SMARCAL1: variants seen among roughly 807,000 people sequenced by gnomAD.
The protein encoded by SMARCAL1 is SNF2 related chromatin remodeling annealing helicase 1.
Under a neutral mutation model 94.5 loss-of-function variants are expected in SMARCAL1, and 58 were observed. That is an observed-to-expected ratio of 0.61 (90% CI 0.50 to 0.76). SMARCAL1 has a LOEUF of 0.76. SMARCAL1 is among the 30% of genes least tolerant of loss of function. The pLI, the probability that SMARCAL1 is intolerant of heterozygous loss-of-function variation, is 0.00. For missense variants in SMARCAL1, 1,051 were observed against 1,177.9 expected (o/e 0.89, Z 1.58); for synonymous variants, 422 against 455.1 (o/e 0.93, Z 0.93).
chr2:216,436,896 C>G (rs944102033), intron 9 of SMARCAL1, among the ~76,000 whole-genome samples: 1 of 152,200 alleles, frequency 6.6e-6, no homozygotes, highest in Non-Finnish European at 1.5e-5. Context: ...CCCATAGGCA[C>G]AAAGCTAGCA....
intron 7 of SMARCAL1, among the ~76,000 whole-genome samples, chr2:216,431,822 T>C (rs908577992): frequency 6.6e-6 from 1 of 152,182 alleles, no homozygotes; most frequent in Admixed American, 6.5e-5. Context: ...GAGGCTGCCA[T>C]AGTGAAAAAC....
At chr2:216,466,917 A>G (rs1305384617) in intron 13 of SMARCAL1, among the ~76,000 whole-genome samples, 1 of 152,204 alleles carries the variant, frequency 6.6e-6, no homozygotes, top group Non-Finnish European at 1.5e-5. Context: ...AGGGCAGTCC[A>G]CGTACCTTTC....
chr2:216,438,662 A>G (rs891055643), intron 10 of SMARCAL1, among the ~76,000 whole-genome samples, 177 bp downstream of exon 10: 2 of 152,160 alleles, frequency 1.3e-5, no homozygotes, highest in South Asian at 2.1e-4. Context: ...TACCAATTTC[A>G]TCTTTCTTCC....
At chr2:216,454,421 C>T (rs1278135824) in intron 12 of SMARCAL1, among the ~76,000 whole-genome samples, 1 of 152,084 alleles carries the variant, frequency 6.6e-6, no homozygotes, top group East Asian at 1.9e-4. Flanking sequence ...ACGTGTATTG[C>T]GTCATTAAAT....
chr2:216,434,880 C>T (rs573767776), intron 8 of SMARCAL1, among the ~76,000 whole-genome samples: 7 of 146,778 alleles, frequency 4.8e-5, no homozygotes, highest in African/African-American at 1.0e-4. Context: ...TTCTGAGACC[C>T]GAGGTTTCTC....
chr2:216,449,141 A>G (rs1335043291), intron 11 of SMARCAL1, among the ~76,000 whole-genome samples: 1 of 152,242 alleles, frequency 6.6e-6, no homozygotes. Flanking sequence ...GTGTCAGCTC[A>G]GGTCTCTGGT....
rs777273652 is a variant in SMARCAL1, at chr2:216,478,209, G to C, written c.2535G>C (p.Leu845=). 1.9e-6 allele frequency: 3 copies of C among 1,613,954 alleles called. No homozygotes were observed. Among genetic ancestry groups the C allele is most frequent in the African/African-American group, 1.3e-5 (1 of 74,926 alleles). ...KGTADDYLWP[L]IQEKIKVLAE... ...GCTCATTTCTCCCCAACAGGCCCCT[G>C]ATTCAAGAGAAGATTAAAGTTCTGG... The change falls in exon 17 of 18, where the codon CTG becomes CTC. Residue 845 remains leucine (L), a synonymous_variant. Coordinates refer to ENST00000357276, the MANE Select transcript of SMARCAL1 (RefSeq NM_014140.4).
chr2:216,420,177 C>A, intron 4 of SMARCAL1, 122 bp from the exon 5 acceptor site: 1 of 785,786 alleles, frequency 1.3e-6, no homozygotes, highest in Non-Finnish European at 2.2e-6. Flanking sequence ...GCCTTCCTGC[C>A]AAACCTAGTG....
chr2:216,433,808 G>A (rs1478309012), intron 8 of SMARCAL1, among the ~76,000 whole-genome samples: 1 of 151,780 alleles, frequency 6.6e-6, no homozygotes, highest in Non-Finnish European at 1.5e-5. Flanking sequence ...TGCCACTGAC[G>A]TCAGCCTGGG....
Position 216,482,638 on chromosome 2 carries a change from G to T in SMARCAL1, c.2626-100G>T. The T allele has an allele frequency of 1.3e-6, 2 of 1,525,126 alleles. No individual in the cohort carries two copies. Among genetic ancestry groups the T allele is most frequent in the South Asian group, 1.1e-5 (1 of 88,360 alleles). The allele number at this position is 1,525,126 out of a possible 1,614,324, so 94.5% of individuals were successfully genotyped here. A position where few individuals can be genotyped will look rare whatever the true frequency, so the allele number is the denominator to read the frequency against. On this transcript the variant is annotated intron_variant, in intron 17 of 17. Coordinates refer to ENST00000357276, the MANE Select transcript of SMARCAL1 (RefSeq NM_014140.4). The surrounding 1 kb of genome is among the most constrained non-coding windows in gnomAD (Gnocchi z 4.3). ...GCTCCCTGACACCATGAAATGTGTG[G>T]TCTCTCATCTTTATATTCTCTCATC...
chr2:216,436,775 TATA>T (rs1273695751), intron 9 of SMARCAL1, among the ~76,000 whole-genome samples: 2 of 152,216 alleles, frequency 1.3e-5, no homozygotes, highest in Non-Finnish European at 2.9e-5. Flanking sequence ...GGTACTGACA[TATA>T]ATCATCTATT....
chr2:216,420,605 T>G, intron 5 of SMARCAL1, 73 bp downstream of exon 5: 2 of 1,157,030 alleles, frequency 1.7e-6, no homozygotes, highest in Non-Finnish European at 1.3e-6. Context: ...TGTTTTTCTC[T>G]ACCTCGAATA....
At chr2:216,453,453 CA>C (rs756228656) in intron 12 of SMARCAL1, among the ~76,000 whole-genome samples, 3 of 152,156 alleles carry the variant, frequency 2.0e-5, no homozygotes, top group Non-Finnish European at 4.4e-5. Flanking sequence ...TTTGGGCCAT[CA>C]GAACCTTTGG....
chr2:216,477,151 A>G lies in SMARCAL1; in HGVS notation c.2470A>G (p.Thr824Ala). 1.3e-6 allele frequency: 2 copies of G among 1,595,762 alleles called. No individual in the cohort carries two copies. Among genetic ancestry groups the G allele is most frequent in the Non-Finnish European group, 1.7e-6 (2 of 1,171,274 alleles). ...GGACCGCGTGCACCGCATTGGACAG[A>G]CCAGCTCCGTGGGCATTCACTACCT... is the stretch of plus-strand genomic sequence containing the variant. ...AEDRVHRIGQ[T>A]SSVGIHYLVA... is the part of the protein sequence containing the mutation. The change falls in exon 16 of 18, where the codon ACC (threonine) becomes GCC (alanine). Residue 824 changes from threonine (T) to alanine (A), a missense_variant. Thr to Ala is a moderately conservative substitution (Grantham distance 58). This residue lies in a region of SMARCAL1 where 642 missense variants were observed against 754.7 expected (regional missense o/e 0.85). Transcript: ENST00000357276.
chr2:216,446,040 C>A (rs1313657771), intron 10 of SMARCAL1, among the ~76,000 whole-genome samples: 1 of 152,124 alleles, frequency 6.6e-6, no homozygotes, highest in Non-Finnish European at 1.5e-5. Flanking sequence ...TGGTAGGGTC[C>A]GTTCCCAGAG....
At chr2:216,481,357 G>C (rs533626610) in intron 17 of SMARCAL1, among the ~76,000 whole-genome samples, 2 of 151,672 alleles carry the variant, frequency 1.3e-5, no homozygotes, top group East Asian at 3.9e-4. Flanking sequence ...CCAACACCCG[G>C]CCAATTTTCT....
chr2:216,420,028 C>CAAAAAA (rs60555710), intron 4 of SMARCAL1, among the ~76,000 whole-genome samples: 6 of 40,178 alleles, frequency 1.5e-4, no homozygotes, highest in Admixed American at 2.9e-4. Flanking sequence ...GACCCCGTCT[C>CAAAAAA]AAAAAAAAAA....
intron 8 of SMARCAL1, among the ~76,000 whole-genome samples, chr2:216,434,895 G>T (rs1285089541): frequency 7.8e-6 from 1 of 127,414 alleles, no homozygotes; most frequent in Admixed American, 9.4e-5. Context: ...TTTCTCTCTT[G>T]TTGCCCAGGC....
At chr2:216,443,101 G>T (rs939452285) in intron 10 of SMARCAL1, among the ~76,000 whole-genome samples, 3 of 152,058 alleles carry the variant, frequency 2.0e-5, no homozygotes, top group Non-Finnish European at 1.5e-5. Flanking sequence ...ACCTTAGGCC[G>T]GGCGCAGTGG....
Sources: gnomAD v4.1 joint callset for allele counts (sites outside exome capture counted in the v4.1 genomes callset) on GRCh38, gnomAD v4.1.1 for gene constraint, gnomAD v4.1.1 regional missense constraint, Gnocchi (gnomAD v3.1) non-coding constraint, MANE v1.5 for transcripts, NCBI Gene and HGNC (gene_info 2026-07-23, HGNC 2026-07-21) for gene names.